The following G3BP1 variants were observed in gnomAD, a reference collection of about 807,000 sequenced individuals.
G3BP1 encodes G3BP stress granule assembly factor 1, also known as ras GTPase-activating protein-binding protein 1.
A neutral mutation model predicts 58.6 loss-of-function variants in G3BP1; 35 were observed. The ratio of observed to expected loss-of-function variants is 0.60; its 90% confidence interval spans 0.46 to 0.79. The LOEUF is 0.79. G3BP1 is among the 30% of genes least tolerant of loss of function. The pLI is 0.00. For missense variants in G3BP1, 523 were observed against 580.8 expected, an observed-to-expected ratio of 0.90 and a Z score of 1.02; for synonymous variants, 191 against 195.4, an observed-to-expected ratio of 0.98 and a Z score of 0.19.
At chr5:151,794,056 G>C (rs1012001616) in intron 4 of G3BP1, 103 bp from the exon 5 acceptor site, 6 of 703,586 alleles carry the variant, frequency 8.5e-6, no homozygotes, top group Non-Finnish European at 1.5e-5. Context: ...GATATTGCCA[G>C]ATGTCTCATG....
intron 2 of G3BP1, among the ~76,000 whole-genome samples, 191 bp from the exon 3 acceptor site, chr5:151,790,128 AAATG>A (rs1762624773): frequency 6.6e-6 from 1 of 151,686 alleles, no homozygotes; most frequent in Admixed American, 6.6e-5. Context: ...AAAAAAAAAA[AAATG>A]TGCACATCAA....
At position 151,799,357 on chromosome 5, in the gene G3BP1, A is replaced by G. The variant is rs201844883; in HGVS notation, c.843+44A>G. ...TTGTACATTAGGCAAATTTACTTCT[A>G]TTGTGGTAATTTGATTCAACAGAGG... On this transcript the variant is annotated intron_variant, in intron 8 of 11. Transcript: ENST00000356245. 282 of 962,138 alleles carry G rather than the reference A, an allele frequency of 2.9e-4. 2 individuals carry two copies. In the Middle Eastern group the frequency reaches 8.9e-3, roughly 30 times the overall value. 59.6% of individuals were successfully genotyped at this position (962,138 alleles called of 1,614,324 possible).
chr5:151,799,317 AG>A lies in G3BP1; in HGVS notation c.843+6del, dbSNP rs1762808554. On this transcript the variant is annotated splice_donor_5th_base_variant and intron_variant, in intron 8 of 11. Transcript: ENST00000356245. The stretch of plus-strand genomic sequence containing the variant: ...TGTTAAAGTACCAGCTTCACAGGTA[AG>A]GTCCTAATAAAACTTGTACATTAGG... 1 of 1,434,006 alleles carries A rather than the reference AG, an allele frequency of 7.0e-7. No individual in the cohort carries two copies. The highest frequency in any genetic ancestry group is 9.8e-7 in the Non-Finnish European group (1 of 1,015,630). 88.8% of individuals were successfully genotyped at this position (1,434,006 alleles called of 1,614,324 possible). A position where few individuals can be genotyped will look rare whatever the true frequency, so the allele number is the denominator to read the frequency against.
In G3BP1 at chr5:151,811,157, CT is replaced by C. The variant is rs1763013219; in HGVS notation, c.*7068del. On this transcript the variant is annotated 3_prime_UTR_variant, in exon 12 of 12. Coordinates refer to ENST00000356245, the MANE Select transcript of G3BP1 (RefSeq NM_005754.3). ...CTATGTAATTTCAGTAGTCTCTCAG[CT>C]TCACTTAACCTCTTACTCCAGCCTA... 1 of 152,190 alleles carries C rather than the reference CT, an allele frequency of 6.6e-6. No homozygotes were observed. 9.4% of individuals were successfully genotyped at this position (152,190 alleles called of 1,614,324 possible).
intron 5 of G3BP1, among the ~76,000 whole-genome samples, chr5:151,795,136 G>T (rs1467290581): frequency 6.6e-6 from 1 of 152,196 alleles, no homozygotes; most frequent in African/African-American, 2.4e-5. Flanking sequence ...AATTAGCCAG[G>T]CGTGGTGGCA....
chr5:151,783,670 C>T (rs1356271579), intron 1 of G3BP1, among the ~76,000 whole-genome samples: 3 of 151,812 alleles, frequency 2.0e-5, no homozygotes, highest in African/African-American at 4.9e-5. Context: ...GGATTACAGG[C>T]GCCAGCCCCA....
chr5:151,784,920 A>G (rs902133236), intron 1 of G3BP1, among the ~76,000 whole-genome samples: 3 of 152,218 alleles, frequency 2.0e-5, no homozygotes, highest in African/African-American at 7.2e-5. Flanking sequence ...TAATGTTGAA[A>G]CTTAACTTCA....
chr5:151,784,249 A>T (rs1762520383), intron 1 of G3BP1, among the ~76,000 whole-genome samples: 1 of 152,238 alleles, frequency 6.6e-6, no homozygotes, highest in South Asian at 2.1e-4. Flanking sequence ...GGAATGTGCC[A>T]CTACACTTAG....
At chr5:151,800,971 T>G in intron 11 of G3BP1, 102 bp downstream of exon 11, 1 of 615,462 alleles carries the variant, frequency 1.6e-6, no homozygotes, top group East Asian at 2.8e-5. Context: ...AAGTGCAGTT[T>G]ATTCCAACAT....
rs781702756 is a variant in G3BP1 at position 151,794,190 on chromosome 5, A to G, written c.383A>G (p.Asn128Ser). The G allele has an allele frequency of 9.9e-6, 16 of 1,610,788 alleles. No individual in the cohort carries two copies. Among genetic ancestry groups the G allele is most frequent in the Admixed American group, 5.0e-5 (3 of 60,014 alleles). Residue 128 changes from asparagine (N) to serine (S), a missense_variant, in exon 5 of 12, where the codon AAT (asparagine) becomes AGT (serine). By Grantham distance (46) the Asn-to-Ser change is conservative. Coordinates refer to ENST00000356245, the MANE Select transcript of G3BP1 (RefSeq NM_005754.3). ...GTTGCAAATAAATTCTATGTTCACA[A>G]TGATATCTTCAGATACCAAGATGAG... The part of the protein sequence containing the change: ...GSVANKFYVH[N>S]DIFRYQDEVF...
chr5:151,804,279 G>C lies in G3BP1; in HGVS notation c.*188G>C. On this transcript the variant is annotated 3_prime_UTR_variant, in exon 12 of 12. Coordinates refer to ENST00000356245, the MANE Select transcript of G3BP1 (RefSeq NM_005754.3). ...CCTCTCTTCCCTTTCCTGACCTTTAGTCTTTCACTTCCAATTTTGTGGAAT... is the reference window on the plus strand; with the variant it reads ...CCTCTCTTCCCTTTCCTGACCTTTACTCTTTCACTTCCAATTTTGTGGAAT... 1 of 401,036 alleles carries C rather than the reference G, an allele frequency of 2.5e-6. No individual in the cohort carries two copies. 24.8% of individuals were successfully genotyped at this position (401,036 alleles called of 1,614,324 possible). A position where few individuals can be genotyped will look rare whatever the true frequency, so the allele number is the denominator to read the frequency against.
At position 151,794,142 on chromosome 5, in the gene G3BP1, TTC is replaced by T. The variant is rs1290386696; in HGVS notation, c.352-15_352-14del. The T allele has an allele frequency of 6.7e-7, 1 of 1,491,134 alleles. No homozygotes were observed. Among genetic ancestry groups the T allele is most frequent in the Non-Finnish European group, 9.4e-7 (1 of 1,069,078 alleles). The allele number at this position is 1,491,134 out of a possible 1,614,324, so 92.4% of individuals were successfully genotyped here. A position where few individuals can be genotyped will look rare whatever the true frequency, so the allele number is the denominator to read the frequency against. On this transcript the variant is annotated splice_polypyrimidine_tract_variant and intron_variant, in intron 4 of 11. Coordinates refer to ENST00000356245, the MANE Select transcript of G3BP1 (RefSeq NM_005754.3). The stretch of plus-strand genomic sequence containing the variant: ...AAAGTCTGTTGAATAAATTAAAACT[TTC>T]TGTTGGCATTGCAGGGGTCTGTTGC...
Position 151,795,361 on chromosome 5 carries a change from C to A in G3BP1, c.443-118C>A, listed in dbSNP as rs140422762. 200 of 626,332 alleles carry A rather than the reference C, an allele frequency of 3.2e-4. 1 individual carries two copies. In the East Asian group the frequency reaches 5.4e-3, roughly 17 times the overall value. 38.8% of individuals were successfully genotyped at this position (626,332 alleles called of 1,614,324 possible). ...CAGTGCCATGATTTTACCAAATTGT[C>A]CTACTTTGTTTATTTATATATGTTT... On this transcript the variant is annotated intron_variant, in intron 5 of 11. Coordinates refer to ENST00000356245, the MANE Select transcript of G3BP1 (RefSeq NM_005754.3).
rs746337511 is a variant in G3BP1 at position 151,799,082 on chromosome 5, A to G, written c.742-130A>G. On this transcript the variant is annotated intron_variant, in intron 7 of 11. Transcript: ENST00000356245. ...AGCTGAAAGAGAAGAATCTTAATAT[A>G]TATATATAAACTCCATCCTGCCTAT... 4.8e-6 allele frequency: 3 copies of G among 630,954 alleles called. No homozygotes were observed. In the African/African-American group the frequency reaches 5.6e-5, roughly 12 times the overall value. 39.1% of individuals were successfully genotyped at this position (630,954 alleles called of 1,614,324 possible). A position where few individuals can be genotyped will look rare whatever the true frequency, so the allele number is the denominator to read the frequency against.
chr5:151,791,256 A>G (rs191451598), intron 4 of G3BP1, 194 bp downstream of exon 4: 28 of 462,654 alleles, frequency 6.1e-5, no homozygotes, highest in Admixed American at 3.3e-4. Context: ...TTCTTTCTCT[A>G]AAATAGTTTA....
In G3BP1 at chr5:151,809,689, A is replaced by G. The variant is rs1292588753; in HGVS notation, c.*5598A>G. ...GAGAGAATTGGTTAGTAGAGTCCCA[A>G]ATCTGCTTTTAGAAGTAATATGGTG... is the stretch of plus-strand genomic sequence containing the variant. On this transcript the variant is annotated 3_prime_UTR_variant, in exon 12 of 12. Coordinates refer to ENST00000356245, the MANE Select transcript of G3BP1 (RefSeq NM_005754.3). 6.6e-6 allele frequency: 1 copy of G among 152,188 alleles called. No individual in the cohort carries two copies. The highest frequency in any genetic ancestry group is 1.5e-5 in the Non-Finnish European group (1 of 68,032). 9.4% of individuals were successfully genotyped at this position (152,188 alleles called of 1,614,324 possible).
chr5:151,788,606 G>GTGTGTGTGTGTT, intron 2 of G3BP1, among the ~76,000 whole-genome samples: 1 of 149,670 alleles, frequency 6.7e-6, no homozygotes, highest in Non-Finnish European at 1.5e-5. Flanking sequence ...GTGTGTGTGT[G>GTGTGTGTGTGTT]TGTGTGTATT....
Position 151,778,783 on chromosome 5 carries a change from G to A in G3BP1, c.-50+6747G>A, listed in dbSNP as rs574854663. 2.6e-5 allele frequency among the ~76,000 whole-genome samples: 4 copies of A among 151,594 alleles called. No homozygotes were observed. In the East Asian group the frequency reaches 5.9e-4, roughly 22 times the overall value. ...TAAAAATTAGAGATATGGGTCAGGC[G>A]CAGTGGCTCACACCTGTAATCCCAG... On this transcript the variant is annotated intron_variant, in intron 1 of 11. Coordinates refer to ENST00000356245, the MANE Select transcript of G3BP1 (RefSeq NM_005754.3).
intron 1 of G3BP1, among the ~76,000 whole-genome samples, chr5:151,780,537 G>A (rs1433699898): frequency 7.2e-5 from 11 of 152,144 alleles, no homozygotes. Flanking sequence ...AGCTGATGGA[G>A]TCTTGCTCAT....
Sources: allele counts gnomAD v4.1 joint callset (sites outside exome capture counted in the v4.1 genomes callset), GRCh38; gene constraint gnomAD v4.1.1; transcripts MANE v1.5; gene names NCBI Gene and HGNC (gene_info 2026-07-23, HGNC 2026-07-21).